The following ITPK1 variants were observed in gnomAD, a reference collection of about 807,000 sequenced individuals.
The protein encoded by ITPK1 is inositol 1,3,4-trisphosphate 5/6-kinase.
Under a neutral mutation model 45.3 loss-of-function variants are expected in ITPK1, and 21 were observed. The ratio of observed to expected loss-of-function variants is 0.46; its 90% CI spans 0.33 to 0.67. ITPK1 has a LOEUF of 0.67. Ranked by LOEUF, ITPK1 falls within the 30% of genes least tolerant of loss-of-function variation. ITPK1 has a pLI of 0.02. For synonymous variants in ITPK1, 258 were observed against 253.6 expected (o/e 1.02, Z -0.16); for missense variants, 474 against 573.5 (o/e 0.83, Z 1.77).
chr14:93,035,986 G>A (rs1187420987), intron 3 of ITPK1, among the ~76,000 whole-genome samples: 3 of 152,332 alleles, frequency 2.0e-5, no homozygotes, highest in African/African-American at 7.2e-5. Context: ...ACTCCGGCAC[G>A]TGATGACTAA....
chr14:93,040,940 C>T lies in ITPK1; in HGVS notation c.121-24139G>A, dbSNP rs540443218. On this transcript the variant is annotated intron_variant, in intron 3 of 10. Coordinates refer to ENST00000267615, the MANE Select transcript of ITPK1 (RefSeq NM_014216.6). The stretch of plus-strand genomic sequence containing the variant: ...TGTAAAAAAGGAAGGATCCTGCCTA[C>T]ATCTCGAGGTGTCGTGCACATTCAA... Among the ~76,000 whole-genome samples, 6 of 152,324 alleles carry T rather than the reference C, an allele frequency of 3.9e-5. No homozygotes were observed. The South Asian group carries it at 1.2e-3, about 32-fold the overall frequency.
chr14:93,035,685 T>G (rs931540205), intron 3 of ITPK1, among the ~76,000 whole-genome samples: 4 of 152,218 alleles, frequency 2.6e-5, no homozygotes, highest in African/African-American at 9.6e-5. Context: ...AGGCACTGCA[T>G]GAGGCCCAGA....
At chr14:93,085,024 G>C (rs969549315) in intron 2 of ITPK1, among the ~76,000 whole-genome samples, 3 of 152,202 alleles carry the variant, frequency 2.0e-5, no homozygotes, top group East Asian at 1.9e-4. Context: ...GGCCTGGCAG[G>C]CTCTCTGCAA....
At position 92,975,119 on chromosome 14, in the gene ITPK1, G is replaced by A. The variant is rs114131889; in HGVS notation, c.365-12270C>T. Among the ~76,000 whole-genome samples, 516 of 152,330 alleles carry A rather than the reference G, an allele frequency of 3.4e-3. 2 individuals carry two copies. Among genetic ancestry groups the A allele is most frequent in the African/African-American group, 0.012 (486 of 41,566 alleles). ...GTAAAGCCCAGCCTAAGGCTGAGCC[G>A]CTGCTCCATGCTCCCCAACGGCTCC... On this transcript the variant is annotated intron_variant, in intron 5 of 10. Coordinates refer to ENST00000267615, the MANE Select transcript of ITPK1 (RefSeq NM_014216.6).
chr14:93,037,971 A>G (rs1889390035), intron 3 of ITPK1, among the ~76,000 whole-genome samples: 1 of 152,210 alleles, frequency 6.6e-6, no homozygotes, highest in Admixed American at 6.5e-5. Context: ...ATCTTTGCTA[A>G]AACTGAAATT....
intron 3 of ITPK1, among the ~76,000 whole-genome samples, chr14:93,059,167 T>G (rs1026867698): frequency 1.8e-3 from 5 of 2,800 alleles, no homozygotes; most frequent in Admixed American, 5.3e-3. Context: ...GAGGCAGGGG[T>G]GGAGGGGGTG....
intron 2 of ITPK1, among the ~76,000 whole-genome samples, chr14:93,095,150 G>A (rs937340349): frequency 4.6e-5 from 7 of 152,086 alleles, no homozygotes; most frequent in Admixed American, 6.6e-5. Context: ...CCAGCACCCC[G>A]CATGGTGTCT....
intron 5 of ITPK1, among the ~76,000 whole-genome samples, chr14:92,978,677 G>A (rs1044291061): frequency 6.6e-6 from 1 of 151,978 alleles, no homozygotes; most frequent in African/African-American, 2.4e-5. Flanking sequence ...AGCTTCAGAG[G>A]GTGCAATCCC....
At chr14:92,956,097 T>A (rs1463684337) in intron 8 of ITPK1, among the ~76,000 whole-genome samples, 1 of 151,358 alleles carries the variant, frequency 6.6e-6, no homozygotes, top group African/African-American at 2.4e-5. Context: ...TCTGTGTGTT[T>A]CTCTACTATT....
chr14:93,011,266 C>T (rs1196671481), intron 4 of ITPK1, among the ~76,000 whole-genome samples: 1 of 152,216 alleles, frequency 6.6e-6, no homozygotes, highest in Non-Finnish European at 1.5e-5. Flanking sequence ...CCACGTGGTG[C>T]AAGCCCAGCT....
chr14:93,113,207 C>T (rs2140043148), intron 2 of ITPK1, among the ~76,000 whole-genome samples: 1 of 152,336 alleles, frequency 6.6e-6, no homozygotes. Context: ...AAGACAACAA[C>T]TCTTTCAGAG....
chr14:92,985,892 C>T (rs1886463865), intron 5 of ITPK1, among the ~76,000 whole-genome samples: 1 of 152,248 alleles, frequency 6.6e-6, no homozygotes, highest in South Asian at 2.1e-4. Context: ...CCAACATTAC[C>T]TCCCTCCCCA....
intron 3 of ITPK1, among the ~76,000 whole-genome samples, chr14:93,075,530 G>A (rs1358566617): frequency 6.6e-6 from 1 of 152,058 alleles, no homozygotes; most frequent in Non-Finnish European, 1.5e-5. Context: ...CCAGGAGGGA[G>A]GTCAGGAGGA....
At chr14:93,086,937 T>C (rs1247928475) in intron 2 of ITPK1, among the ~76,000 whole-genome samples, 3 of 152,126 alleles carry the variant, frequency 2.0e-5, no homozygotes, top group Non-Finnish European at 4.4e-5. Flanking sequence ...CAAAGGAAAG[T>C]CCCAAGGTGT....
chr14:92,994,658 G>A (rs959402576), intron 4 of ITPK1, among the ~76,000 whole-genome samples: 2 of 152,148 alleles, frequency 1.3e-5, no homozygotes, highest in South Asian at 2.1e-4. Context: ...CACCCAGGTG[G>A]GCCAGACCAA....
In ITPK1 at chr14:92,940,137, C is replaced by T; in HGVS notation, c.*1424G>A. The T allele has an allele frequency of 1.0e-6, 1 of 985,780 alleles. No homozygotes were observed. Among genetic ancestry groups the T allele is most frequent in the African/African-American group, 1.7e-5 (1 of 57,380 alleles). 61.1% of individuals were successfully genotyped at this position (985,780 alleles called of 1,614,324 possible). A position where few individuals can be genotyped will look rare whatever the true frequency, so the allele number is the denominator to read the frequency against. ...AGCCCAGCTGAGCCAGGCCGAAGGACCTCCATGCACTGGCTCGGGGGCCTC... is the reference window on the plus strand; with the variant it reads ...AGCCCAGCTGAGCCAGGCCGAAGGATCTCCATGCACTGGCTCGGGGGCCTC... On this transcript the variant is annotated 3_prime_UTR_variant, in exon 11 of 11. Transcript: ENST00000267615.
intron 7 of ITPK1, among the ~76,000 whole-genome samples, chr14:92,959,217 G>T (rs1457026567): frequency 1.3e-5 from 2 of 152,248 alleles, no homozygotes; most frequent in East Asian, 3.8e-4. Flanking sequence ...TCTAAGGACA[G>T]AGGGGTGGGC....
chr14:93,077,543 C>T, intron 2 of ITPK1, among the ~76,000 whole-genome samples: 1 of 152,198 alleles, frequency 6.6e-6, no homozygotes, highest in East Asian at 1.9e-4. Context: ...GTCTCAAACT[C>T]CTGACCTCAG....
At chr14:93,103,167 G>A (rs1161996629) in intron 2 of ITPK1, among the ~76,000 whole-genome samples, 11 of 151,152 alleles carry the variant, frequency 7.3e-5, no homozygotes, top group African/African-American at 1.9e-4. Context: ...GGTGGCTTAC[G>A]CCTGTAATCC....
Sources: allele counts gnomAD v4.1 joint callset (sites outside exome capture counted in the v4.1 genomes callset), GRCh38; gene constraint gnomAD v4.1.1; transcripts MANE v1.5; gene names NCBI Gene and HGNC (gene_info 2026-07-23, HGNC 2026-07-21).